Variants in NLRC4 observed in about 807,000 individuals in gnomAD.
The protein encoded by NLRC4 is NLR family CARD domain-containing protein 4.
In NLRC4, 63 loss-of-function variants were observed where a neutral mutation model predicts 79.9. The observed-to-expected ratio is 0.79, with a 90% CI of 0.64 to 0.97. The LOEUF (loss-of-function observed/expected upper bound fraction) is 0.97. NLRC4 is among the 50% of genes least tolerant of loss of function. The pLI is 0.00. For synonymous variants in NLRC4, 461 were observed against 456.5 expected (o/e 1.01, Z -0.12); for missense variants, 1,074 against 1,215.2 (o/e 0.88, Z 1.73).
chr2:32,237,907 C>T (rs764046742), intron 6 of NLRC4, among the ~76,000 whole-genome samples: 1 of 152,204 alleles, frequency 6.6e-6, no homozygotes, highest in Non-Finnish European at 1.5e-5. Context: ...CTAAAAATTA[C>T]ATCTTCAATT....
chr2:32,258,866 C>G (rs908292044), intron 1 of NLRC4, among the ~76,000 whole-genome samples: 2 of 152,106 alleles, frequency 1.3e-5, no homozygotes, highest in African/African-American at 4.8e-5. Flanking sequence ...GTTAGATGAT[C>G]TACCCCGGCT....
Position 32,252,486 on chromosome 2 carries a change from G to T in NLRC4, c.195C>A (p.Ser65=), listed in dbSNP as rs373028116. The part of the protein sequence containing the change: ...IHMILKKGSE[S]CNLFLKSLKE... ...TAAGGGATTTAAGAAAGAGGTTACA[G>T]GACTCTGAACCCTTTTTCAAAATCA... Residue 65 remains serine, a synonymous_variant, in exon 3 of 9, where the codon TCC becomes TCA. Coordinates refer to ENST00000402280, the MANE Select transcript of NLRC4 (RefSeq NM_001199138.2). 2 of 1,612,118 alleles carry T rather than the reference G, an allele frequency of 1.2e-6. No individual in the cohort carries two copies. Among genetic ancestry groups the T allele is most frequent in the South Asian group, 1.1e-5 (1 of 91,038 alleles).
intron 4 of NLRC4, among the ~76,000 whole-genome samples, chr2:32,246,832 A>G (rs1686948969): frequency 6.6e-6 from 1 of 152,156 alleles, no homozygotes; most frequent in African/African-American, 2.4e-5. Context: ...GCCCAGGCAC[A>G]GATATGATCA....
At chr2:32,264,162 A>C (rs1687414209) in intron 1 of NLRC4, among the ~76,000 whole-genome samples, 1 of 152,070 alleles carries the variant, frequency 6.6e-6, no homozygotes, top group African/African-American at 2.4e-5. Context: ...CTGGCCGGGC[A>C]CGTTGGCTCA....
chr2:32,232,938 G>A (rs1686572320), intron 8 of NLRC4, among the ~76,000 whole-genome samples: 3 of 151,946 alleles, frequency 2.0e-5, no homozygotes, highest in Non-Finnish European at 4.4e-5. Flanking sequence ...GAAGGAGAGT[G>A]GAAGGGAAGG....
chr2:32,246,828 G>T (rs1039869389), intron 4 of NLRC4, among the ~76,000 whole-genome samples: 1 of 152,092 alleles, frequency 6.6e-6, no homozygotes, highest in African/African-American at 2.4e-5. Context: ...TGTTGCCCAG[G>T]CACAGATATG....
intron 8 of NLRC4, 81 bp downstream of exon 8, chr2:32,235,318 AAG>A: frequency 2.1e-6 from 2 of 940,964 alleles, no homozygotes; most frequent in East Asian, 2.4e-5. Flanking sequence ...AAAATAAAAT[AAG>A]GGGGCAAAAT....
intron 1 of NLRC4, among the ~76,000 whole-genome samples, chr2:32,261,008 A>G (rs1239620653): frequency 6.6e-6 from 1 of 151,854 alleles, no homozygotes; most frequent in Non-Finnish European, 1.5e-5. Flanking sequence ...CTGGCTAACA[A>G]GGTGAAACCC....
At chr2:32,253,672 T>G (rs989256311) in intron 2 of NLRC4, among the ~76,000 whole-genome samples, 2 of 151,858 alleles carry the variant, frequency 1.3e-5, no homozygotes, top group Non-Finnish European at 2.9e-5. Flanking sequence ...CTATTTCAAT[T>G]ACGTGCTGCT....
chr2:32,249,822 C>T lies in NLRC4; in HGVS notation c.2042G>A (p.Gly681Glu), dbSNP rs762826149. 2 of 1,614,172 alleles carry T rather than the reference C, an allele frequency of 1.2e-6. No homozygotes were observed. The highest frequency in any genetic ancestry group is 1.7e-6 in the Non-Finnish European group (2 of 1,180,028). Residue 681 changes from glycine (G) to glutamate (E), a missense_variant, in exon 4 of 9, where the codon GGG becomes GAG. Physicochemically the swap from Gly to Glu is moderately conservative, Grantham distance 98 (BLOSUM62 -2). Coordinates refer to ENST00000402280, the MANE Select transcript of NLRC4 (RefSeq NM_001199138.2). ...KLNKQDIRYL[G>E]KIFSSATSLR... ...GCTTGTGGCAGAGCTGAATATTTTC[C>T]CCAGATATCTGATATCTTGCTTATT...
At chr2:32,245,310 C>CAAAAAAAAA (rs58301612) in intron 4 of NLRC4, among the ~76,000 whole-genome samples, 1 of 77,946 alleles carries the variant, frequency 1.3e-5, no homozygotes, top group African/African-American at 5.3e-5. Flanking sequence ...GACTCCTTCT[C>CAAAAAAAAA]AAAAAAAAAA....
intron 8 of NLRC4, among the ~76,000 whole-genome samples, chr2:32,228,414 C>G (rs986009004): frequency 2.6e-5 from 4 of 152,152 alleles, no homozygotes; most frequent in African/African-American, 4.8e-5. Context: ...TTCACCGCCT[C>G]CCTTAGACAC....
At chr2:32,242,904 C>T (rs906716162) in intron 4 of NLRC4, among the ~76,000 whole-genome samples, 1 of 151,856 alleles carries the variant, frequency 6.6e-6, no homozygotes, top group Non-Finnish European at 1.5e-5. Flanking sequence ...TTAAATTACC[C>T]AGGTGTGGTG....
chr2:32,263,304 A>G (rs1230212962), intron 1 of NLRC4, among the ~76,000 whole-genome samples: 1 of 152,170 alleles, frequency 6.6e-6, no homozygotes, highest in Admixed American at 6.6e-5. Flanking sequence ...GCCTTTCCGA[A>G]TCTTGCTTTC....
At chr2:32,257,181 A>G (rs1209700621) in intron 1 of NLRC4, among the ~76,000 whole-genome samples, 1 of 152,218 alleles carries the variant, frequency 6.6e-6, no homozygotes, top group Non-Finnish European at 1.5e-5. Context: ...TAAATGTCAA[A>G]AGACGGTATA....
At chr2:32,241,227 GATC>G (rs1381569726) in intron 4 of NLRC4, 102 bp from the exon 5 acceptor site, 7 of 739,768 alleles carry the variant, frequency 9.5e-6, no homozygotes, top group African/African-American at 1.8e-5. Flanking sequence ...AGATTTTAAT[GATC>G]ATCATGAGCC....
At position 32,252,489 on chromosome 2, in the gene NLRC4, C is replaced by T; in HGVS notation, c.192G>A (p.Glu64=). 2 of 1,612,808 alleles carry T rather than the reference C, an allele frequency of 1.2e-6. No individual in the cohort carries two copies. The highest frequency in any genetic ancestry group is 1.7e-4 in the Middle Eastern group (1 of 6,060). The change falls in exon 3 of 9, where the codon GAG becomes GAA. Residue 64 remains glutamate, a synonymous_variant. Transcript: ENST00000402280. The part of the protein sequence containing the change: ...IIHMILKKGS[E]SCNLFLKSLK... ...GGGATTTAAGAAAGAGGTTACAGGA[C>T]TCTGAACCCTTTTTCAAAATCATGT...
At chr2:32,233,345 ATATATTTTTTTTT>A (rs1686596231) in intron 8 of NLRC4, among the ~76,000 whole-genome samples, 2 of 63,750 alleles carry the variant, frequency 3.1e-5, no homozygotes, top group African/African-American at 1.5e-4. Context: ...ATATATATAT[ATATATTTTTTTTT>A]TTTTTTTTTT....
chr2:32,235,969 C>T lies in NLRC4; in HGVS notation c.2614+278G>A, dbSNP rs114120616. Among the ~76,000 whole-genome samples, 1,240 of 152,216 alleles carry T rather than the reference C, an allele frequency of 8.1e-3. 21 individuals are homozygous for T. The highest frequency in any genetic ancestry group is 0.028 in the African/African-American group (1,153 of 41,528). ...TCACCAATTCCTTAAGCAAATTTGT[C>T]TTGCACATCGGCTACTCTTGACAGT... On this transcript the variant is annotated intron_variant, in intron 7 of 8. Coordinates refer to ENST00000402280, the MANE Select transcript of NLRC4 (RefSeq NM_001199138.2).
Sources: gnomAD v4.1 joint callset for allele counts (sites outside exome capture counted in the v4.1 genomes callset) on GRCh38, gnomAD v4.1.1 for gene constraint, MANE v1.5 for transcripts, NCBI Gene and HGNC (gene_info 2026-07-23, HGNC 2026-07-21) for gene names.